The following SCUBE1 variants were observed in gnomAD, a reference collection of about 807,000 sequenced individuals.
SCUBE1 encodes the protein signal peptide, CUB domain and EGF like domain containing 1.
Under a neutral mutation model 124.4 loss-of-function variants are expected in SCUBE1, and 59 were observed. The observed-to-expected ratio is 0.47, with a 90% CI of 0.38 to 0.59. The LOEUF is 0.59. SCUBE1 is among the 20% of genes least tolerant of loss of function. The probability of loss-of-function intolerance (pLI) is 0.00; values close to 1 mark genes in which losing one functional copy is unlikely to be tolerated. For synonymous variants in SCUBE1, 545 were observed against 550.9 expected (o/e 0.99, Z 0.15); for missense variants, 1,150 against 1,371.2 (o/e 0.84, Z 2.55).
At chr22:43,302,879 G>C (rs544887724) in intron 3 of SCUBE1, among the ~76,000 whole-genome samples, 2 of 152,342 alleles carry the variant, frequency 1.3e-5, no homozygotes, top group African/African-American at 4.8e-5. Context: ...TTAATGAAGC[G>C]CCTCTGCGCC....
At chr22:43,315,826 T>G (rs1210400213) in intron 3 of SCUBE1, among the ~76,000 whole-genome samples, 2 of 152,164 alleles carry the variant, frequency 1.3e-5, no homozygotes, top group South Asian at 2.1e-4. Context: ...AAAACAATGT[T>G]GTTGAGACAA....
At position 43,314,472 on chromosome 22, in the gene SCUBE1, TGCA is replaced by T. The variant is rs201258949; in HGVS notation, c.349+5462_349+5464del. On this transcript the variant is annotated intron_variant, in intron 3 of 21. Transcript: ENST00000360835. ...GTCCCTGTTCTGCCTCTCCTGTGGC[TGCA>T]GCAGCACCCCCCTGACCCCACCACC... is the stretch of plus-strand genomic sequence containing the variant. Among the ~76,000 whole-genome samples, 782 of 152,238 alleles carry T rather than the reference TGCA, an allele frequency of 5.1e-3. 11 individuals are homozygous for T. Among genetic ancestry groups the T allele is most frequent in the African/African-American group, 0.018 (743 of 41,546 alleles).
chr22:43,225,293 C>G (rs1430702526), intron 10 of SCUBE1, among the ~76,000 whole-genome samples: 1 of 152,018 alleles, frequency 6.6e-6, no homozygotes, highest in African/African-American at 2.4e-5. Flanking sequence ...TGTAAAGCCA[C>G]GTCTAGAGCT....
chr22:43,257,071 A>G (rs963798450), intron 6 of SCUBE1, among the ~76,000 whole-genome samples: 5 of 152,264 alleles, frequency 3.3e-5, no homozygotes, highest in Non-Finnish European at 5.9e-5. Flanking sequence ...AGAAGAGACC[A>G]CACAGAGGAA....
intron 4 of SCUBE1, among the ~76,000 whole-genome samples, chr22:43,284,557 C>G (rs1387948346): frequency 6.6e-6 from 1 of 152,238 alleles, no homozygotes; most frequent in East Asian, 1.9e-4. Flanking sequence ...AGCCCAGGCT[C>G]TGGGGCCAGA....
Position 43,222,622 on chromosome 22 carries a change from A to T in SCUBE1, c.1432+16T>A. ...TCACCCAGTGGCATGCAGCATGGAC[A>T]GGCCGGGGGGGTTACCTGAGCAGCT... On this transcript the variant is annotated intron_variant, in intron 12 of 21. Transcript: ENST00000360835. 6 of 1,467,480 alleles carry T rather than the reference A, an allele frequency of 4.1e-6. No individual in the cohort carries two copies. The highest frequency in any genetic ancestry group is 5.4e-6 in the Non-Finnish European group (6 of 1,113,782). 90.9% of individuals were successfully genotyped at this position (1,467,480 alleles called of 1,614,324 possible). A position where few individuals can be genotyped will look rare whatever the true frequency, so the allele number is the denominator to read the frequency against.
In SCUBE1 at chr22:43,202,854, C is replaced by A. The variant is rs1313714412; in HGVS notation, c.*1143G>T. On this transcript the variant is annotated 3_prime_UTR_variant, in exon 22 of 22. Transcript: ENST00000360835. ...CTGCTCTCTCCCCTTTCCTCACTGG[C>A]CGCTCTGAGGCTCCTTGTGGTGGTA... is the stretch of plus-strand genomic sequence containing the variant. 3 of 152,410 alleles carry A rather than the reference C, an allele frequency of 2.0e-5. No individual in the cohort carries two copies. The highest frequency in any genetic ancestry group is 4.4e-5 in the Non-Finnish European group (3 of 68,190). The allele number at this position is 152,410 out of a possible 1,614,324, so 9.4% of individuals were successfully genotyped here.
intron 2 of SCUBE1, 127 bp from the exon 3 acceptor site, chr22:43,320,192 C>A: frequency 8.5e-7 from 1 of 1,182,002 alleles, no homozygotes. Context: ...TCAGTCCTCC[C>A]TGGGAGCTGA....
At chr22:43,221,788 G>C (rs2146668771) in intron 12 of SCUBE1, among the ~76,000 whole-genome samples, 1 of 152,326 alleles carries the variant, frequency 6.6e-6, no homozygotes, top group East Asian at 1.9e-4. Context: ...AATGGGCAGG[G>C]TGCGGTGGCT....
intron 3 of SCUBE1, among the ~76,000 whole-genome samples, chr22:43,296,963 T>G (rs1925584956): frequency 6.6e-6 from 1 of 152,150 alleles, no homozygotes; most frequent in Non-Finnish European, 1.5e-5. Flanking sequence ...TCCCATTCCT[T>G]CAGCCCGCAG....
chr22:43,216,616 C>T (rs1921821927), intron 15 of SCUBE1, among the ~76,000 whole-genome samples: 2 of 151,966 alleles, frequency 1.3e-5, no homozygotes, highest in African/African-American at 4.8e-5. Flanking sequence ...TACACCATTG[C>T]ACTGCAGCCT....
intron 6 of SCUBE1, among the ~76,000 whole-genome samples, chr22:43,253,237 T>C (rs1163697824): frequency 6.6e-6 from 1 of 152,192 alleles, no homozygotes. Context: ...TCCAACAGGA[T>C]CCTATGTCTT....
intron 3 of SCUBE1, among the ~76,000 whole-genome samples, chr22:43,307,061 C>T (rs958269354): frequency 1.3e-5 from 2 of 152,382 alleles, no homozygotes; most frequent in African/African-American, 4.8e-5. Flanking sequence ...CTCCACCACA[C>T]AAACGAGCCT....
chr22:43,223,083 A>T lies in SCUBE1; in HGVS notation c.1327+14T>A, dbSNP rs745997537. On this transcript the variant is annotated intron_variant, in intron 11 of 21. Coordinates refer to ENST00000360835, the MANE Select transcript of SCUBE1 (RefSeq NM_173050.5). ...CCTGCCACAGCATCCCATCTCAGGG[A>T]CGGCCCGGGTTACCTGGCACGAAGA... The T allele has an allele frequency of 2.6e-6, 4 of 1,520,062 alleles. No individual in the cohort carries two copies. In the East Asian group the frequency reaches 7.2e-5, roughly 27 times the overall value. The allele number at this position is 1,520,062 out of a possible 1,614,324, so 94.2% of individuals were successfully genotyped here. A position where few individuals can be genotyped will look rare whatever the true frequency, so the allele number is the denominator to read the frequency against.
chr22:43,217,540 C>T (rs1352449216), intron 15 of SCUBE1, among the ~76,000 whole-genome samples: 1 of 152,156 alleles, frequency 6.6e-6, no homozygotes, highest in East Asian at 1.9e-4. Flanking sequence ...CCCGTAAGAG[C>T]GCGCATGAGC....
At chr22:43,260,714 T>C (rs941634711) in intron 5 of SCUBE1, among the ~76,000 whole-genome samples, 8 of 152,254 alleles carry the variant, frequency 5.3e-5, no homozygotes, top group African/African-American at 1.9e-4. Context: ...CTCCATACCT[T>C]GGTGATATTC....
intron 16 of SCUBE1, among the ~76,000 whole-genome samples, chr22:43,213,837 A>AC (rs1355439668): frequency 6.6e-6 from 1 of 150,802 alleles, no homozygotes; most frequent in Admixed American, 6.6e-5. Flanking sequence ...CTGAGAGCAC[A>AC]CCGAGTGCAG....
chr22:43,337,851 C>A (rs894508134), intron 2 of SCUBE1, among the ~76,000 whole-genome samples: 4 of 152,192 alleles, frequency 2.6e-5, no homozygotes, highest in African/African-American at 7.2e-5. Flanking sequence ...TTTCCTAATA[C>A]AAATATCAAA....
At chr22:43,312,618 CTCAAGGA>C (rs1926210187) in intron 3 of SCUBE1, among the ~76,000 whole-genome samples, 4 of 152,176 alleles carry the variant, frequency 2.6e-5, no homozygotes, top group Non-Finnish European at 5.9e-5. Context: ...CCAAGGGTGG[CTCAAGGA>C]TGATGTGAGG....
Sources: allele counts gnomAD v4.1 joint callset (sites outside exome capture counted in the v4.1 genomes callset), GRCh38; gene constraint gnomAD v4.1.1; transcripts MANE v1.5; gene names NCBI Gene and HGNC (gene_info 2026-07-23, HGNC 2026-07-21).